LRP5: variants seen among roughly 807,000 people sequenced by gnomAD.
LRP5 encodes low-density lipoprotein receptor-related protein 5.
LRP5 carries 62 observed loss-of-function variants against 154.1 expected under a neutral mutation model. That is an observed-to-expected ratio of 0.40 (90% CI 0.33 to 0.50). The LOEUF (loss-of-function observed/expected upper bound fraction) is 0.50, where lower values mean the gene tolerates loss of function less well. LRP5 is among the 20% of genes least tolerant of loss of function. LRP5 has a pLI of 0.55. For synonymous variants in LRP5, 966 were observed against 1,011.5 expected (o/e 0.96, Z 0.85); for missense variants, 1,915 against 2,336.7 (o/e 0.82, Z 3.72).
intron 17 of LRP5, among the ~76,000 whole-genome samples, chr11:68,431,078 A>G (rs560340890): frequency 6.6e-6 from 1 of 152,268 alleles, no homozygotes; most frequent in African/African-American, 2.4e-5. Context: ...ACCACAGTGA[A>G]GCCTGTCCAG....
intron 21 of LRP5, among the ~76,000 whole-genome samples, chr11:68,446,089 G>A (rs2098681272): frequency 6.6e-6 from 1 of 152,222 alleles, no homozygotes; most frequent in Admixed American, 6.5e-5. Context: ...CAGGGCCTGT[G>A]GGGACATCTC....
At chr11:68,425,030 G>GC in intron 14 of LRP5, 72 bp from the exon 15 acceptor site, 1 of 1,403,202 alleles carries the variant, frequency 7.1e-7, no homozygotes, top group South Asian at 1.2e-5. Flanking sequence ...GCCCAGCTGG[G>GC]TGCCCTGGGC....
chr11:68,438,619 G>T lies in LRP5; in HGVS notation c.4285G>T (p.Gly1429Trp). The T allele has an allele frequency of 8.7e-6, 14 of 1,613,656 alleles. No individual in the cohort carries two copies. Among genetic ancestry groups the T allele is most frequent in the Non-Finnish European group, 1.2e-5 (14 of 1,179,934 alleles). ...GCCCTTCCCGCACGAGTATGTCAGC[G>T]GGACCCCGCACGTGCCCCTCAATTT... ...NGPFPHEYVSGTPHVPLNFIA... is the reference protein window; with the variant it reads ...NGPFPHEYVSWTPHVPLNFIA... The change falls in exon 20 of 23, where the codon GGG (glycine) becomes TGG (tryptophan). Residue 1429 changes from glycine (G) to tryptophan (W), a missense_variant. Coordinates refer to ENST00000294304, the MANE Select transcript of LRP5 (RefSeq NM_002335.4).
At chr11:68,421,256 G>A (rs1298450372) in intron 13 of LRP5, among the ~76,000 whole-genome samples, 3 of 151,450 alleles carry the variant, frequency 2.0e-5, no homozygotes, top group African/African-American at 7.3e-5. Context: ...GCAAGACTCC[G>A]TCTCAAAAAA....
chr11:68,439,946 C>CCG (rs1554978850), intron 21 of LRP5, 30 bp downstream of exon 21: 1 of 448,392 alleles, frequency 2.2e-6, no homozygotes, highest in Non-Finnish European at 4.2e-6. Flanking sequence ...AGGGGCGGGG[C>CCG]GGGATGGGGC....
chr11:68,419,537 T>G (rs986831548), intron 13 of LRP5, among the ~76,000 whole-genome samples: 25 of 150,974 alleles, frequency 1.7e-4, no homozygotes, highest in African/African-American at 5.4e-4. Context: ...CCCAGCCATT[T>G]TAATTTTTTT....
chr11:68,438,093 C>T (rs1001420951), intron 19 of LRP5, among the ~76,000 whole-genome samples: 4 of 152,212 alleles, frequency 2.6e-5, no homozygotes, highest in Admixed American at 2.0e-4. Flanking sequence ...TGGCTTTGCT[C>T]GTTCACCAAC....
At chr11:68,428,852 G>A (rs11228237) in intron 16 of LRP5, among the ~76,000 whole-genome samples, 5,046 of 112,826 alleles carry the variant, frequency 0.045, 418 homozygotes, top group African/African-American at 0.15. Context: ...AAGCTGAAGC[G>A]GGAGGATCAC....
chr11:68,339,732 T>TC (rs1335679745), intron 1 of LRP5, among the ~76,000 whole-genome samples: 1 of 152,220 alleles, frequency 6.6e-6, no homozygotes, highest in African/African-American at 2.4e-5. Context: ...ATTTATCCGT[T>TC]CATCGGTTAT....
At chr11:68,407,208 G>T (rs2098656221) in intron 9 of LRP5, among the ~76,000 whole-genome samples, 1 of 144,094 alleles carries the variant, frequency 6.9e-6, no homozygotes, top group Non-Finnish European at 1.5e-5. Context: ...TTACTCTGTT[G>T]CCCAGGCTGG....
intron 21 of LRP5, among the ~76,000 whole-genome samples, chr11:68,446,109 G>A (rs1222660688): frequency 1.3e-5 from 2 of 152,224 alleles, no homozygotes; most frequent in Non-Finnish European, 2.9e-5. Flanking sequence ...CCTACTGCTG[G>A]GGGCCAGCCA....
intron 10 of LRP5, 148 bp downstream of exon 10, chr11:68,410,288 T>C: frequency 2.7e-6 from 2 of 733,842 alleles, no homozygotes; most frequent in East Asian, 5.4e-5. Flanking sequence ...TGGCCAGGAC[T>C]GGTAGGGCCC....
intron 1 of LRP5, among the ~76,000 whole-genome samples, chr11:68,326,856 G>C (rs188228742): frequency 6.6e-6 from 1 of 152,238 alleles, no homozygotes; most frequent in Non-Finnish European, 1.5e-5. Context: ...TCATGGTGGG[G>C]AGGGGTCCCC....
intron 1 of LRP5, among the ~76,000 whole-genome samples, chr11:68,335,383 G>A (rs1010854277): frequency 6.7e-6 from 1 of 149,618 alleles, no homozygotes; most frequent in East Asian, 2.1e-4. Context: ...CCATAACCTT[G>A]TCTTATGTGT....
chr11:68,320,026 T>C (rs2098595830), intron 1 of LRP5, among the ~76,000 whole-genome samples: 2 of 152,066 alleles, frequency 1.3e-5, no homozygotes, highest in African/African-American at 4.8e-5. Context: ...CTGAGTATGA[T>C]TGCACACTCC....
At chr11:68,321,145 GT>G (rs1286667835) in intron 1 of LRP5, among the ~76,000 whole-genome samples, 1 of 149,582 alleles carries the variant, frequency 6.7e-6, no homozygotes, top group Non-Finnish European at 1.5e-5. Flanking sequence ...TGGTGGGATG[GT>G]CCATCCTATC....
In LRP5 at chr11:68,363,916, G is replaced by T; in HGVS notation, c.856G>T (p.Val286Leu). 6 of 1,611,676 alleles carry T rather than the reference G, an allele frequency of 3.7e-6. No individual in the cohort carries two copies. Among genetic ancestry groups the T allele is most frequent in the Non-Finnish European group, 5.1e-6 (6 of 1,179,224 alleles). The part of the protein sequence containing the change: ...SALYSPMDIQ[V>L]LSQERQPFFH... ...CCTCTACTCACCCATGGACATCCAG[G>T]TGCTGAGCCAGGAGCGGCAGCCTTT... Residue 286 changes from valine to leucine, a missense_variant, in exon 4 of 23, where the codon GTG (valine) becomes TTG (leucine). Coordinates refer to ENST00000294304, the MANE Select transcript of LRP5 (RefSeq NM_002335.4).
chr11:68,346,086 A>G (rs2098612669), intron 1 of LRP5, among the ~76,000 whole-genome samples: 1 of 152,170 alleles, frequency 6.6e-6, no homozygotes, highest in African/African-American at 2.4e-5. Flanking sequence ...TAGTAGATCT[A>G]TGATTTGGAA....
intron 13 of LRP5, among the ~76,000 whole-genome samples, chr11:68,418,499 G>A (rs1362166819): frequency 6.6e-6 from 1 of 152,142 alleles, no homozygotes. Flanking sequence ...ACTTTCTTGA[G>A]GCAGAGAGAG....
Sources: gnomAD v4.1 joint callset for allele counts (sites outside exome capture counted in the v4.1 genomes callset) on GRCh38, gnomAD v4.1.1 for gene constraint, MANE v1.5 for transcripts, NCBI Gene and HGNC (gene_info 2026-07-23, HGNC 2026-07-21) for gene names.